DCC: variants seen among roughly 807,000 people sequenced by gnomAD.
The protein encoded by DCC is netrin receptor DCC.
A neutral mutation model predicts 172.5 loss-of-function variants in DCC; 58 were observed. The observed-to-expected ratio is 0.34, with a 90% CI of 0.27 to 0.42. The LOEUF is 0.42. DCC is among the 10% of genes least tolerant of loss of function. The probability of loss-of-function intolerance (pLI) is 1.00; values close to 1 mark genes in which losing one functional copy is unlikely to be tolerated. For synonymous variants in DCC, 709 were observed against 644.5 expected (o/e 1.10, Z -1.52); for missense variants, 1,740 against 1,791.0 (o/e 0.97, Z 0.51).
At chr18:53,152,327 GA>G (rs980740612) in intron 7 of DCC, among the ~76,000 whole-genome samples, 1 of 151,998 alleles carries the variant, frequency 6.6e-6, no homozygotes, top group African/African-American at 2.4e-5. Context: ...AATAAGCTTA[GA>G]AAAAAATTCA....
At chr18:53,392,359 A>T (rs929847362) in intron 17 of DCC, among the ~76,000 whole-genome samples, 1 of 152,118 alleles carries the variant, frequency 6.6e-6, no homozygotes, top group Non-Finnish European at 1.5e-5. Context: ...CAGCACTCTA[A>T]GCCATTAACA....
chr18:53,032,277 A>G (rs1054968616), intron 5 of DCC, among the ~76,000 whole-genome samples: 2 of 152,170 alleles, frequency 1.3e-5, no homozygotes, highest in African/African-American at 4.8e-5. Flanking sequence ...GAGGAAAAAG[A>G]AGAAAATATA....
intron 1 of DCC, among the ~76,000 whole-genome samples, chr18:52,713,081 C>T (rs887781541): frequency 1.3e-5 from 2 of 152,132 alleles, no homozygotes; most frequent in Non-Finnish European, 2.9e-5. Context: ...AGTGCCTAGC[C>T]GGGAAATTTC....
chr18:53,000,471 C>A (rs147180634), intron 5 of DCC, among the ~76,000 whole-genome samples: 56 of 151,650 alleles, frequency 3.7e-4, no homozygotes, highest in Non-Finnish European at 6.3e-4. Flanking sequence ...GTACAATTTT[C>A]TGAGGCCAAA....
chr18:53,178,340 G>A (rs2055140385), intron 8 of DCC, among the ~76,000 whole-genome samples: 1 of 152,110 alleles, frequency 6.6e-6, no homozygotes, highest in African/African-American at 2.4e-5. Flanking sequence ...TATTGATATT[G>A]AACACATAGA....
At chr18:52,610,557 C>T (rs1369360795) in intron 1 of DCC, among the ~76,000 whole-genome samples, 2 of 151,594 alleles carry the variant, frequency 1.3e-5, no homozygotes, top group Non-Finnish European at 2.9e-5. Flanking sequence ...AAACTCCTTT[C>T]CATAGAAAAA....
chr18:52,971,443 T>C (rs925459173), intron 5 of DCC, among the ~76,000 whole-genome samples: 2 of 152,098 alleles, frequency 1.3e-5, no homozygotes, highest in Admixed American at 1.3e-4. Context: ...GAAAGGAGTC[T>C]GAACATCTTT....
At chr18:53,435,250 A>G (rs1404522255) in intron 22 of DCC, 41 bp downstream of exon 22, 1 of 1,321,942 alleles carries the variant, frequency 7.6e-7, no homozygotes. Flanking sequence ...AGTTATATTA[A>G]TTAAATGGTT....
chr18:52,799,820 A>G (rs576929641), intron 2 of DCC, among the ~76,000 whole-genome samples: 2 of 152,324 alleles, frequency 1.3e-5, no homozygotes, highest in South Asian at 4.1e-4. Flanking sequence ...TAGCAATATA[A>G]TAATAATGCC....
At chr18:52,978,286 C>G (rs1186494600) in intron 5 of DCC, among the ~76,000 whole-genome samples, 1 of 151,448 alleles carries the variant, frequency 6.6e-6, no homozygotes, top group Non-Finnish European at 1.5e-5. Context: ...AGGAGAGAGG[C>G]AATGCTAGAG....
chr18:53,052,612 C>G (rs2042348392), intron 5 of DCC, among the ~76,000 whole-genome samples: 2 of 152,006 alleles, frequency 1.3e-5, no homozygotes. Flanking sequence ...GTTTTGTGTA[C>G]TTTTAAATAA....
At chr18:52,791,993 C>T (rs76150089) in intron 2 of DCC, among the ~76,000 whole-genome samples, 6,552 of 152,060 alleles carry the variant, frequency 0.043, 219 homozygotes, top group South Asian at 0.16. Context: ...TAGAGTTTTC[C>T]CATTTGCAGA....
rs117114563 is a variant in DCC, at chr18:52,592,682, G to A, written c.92-159372G>A. On this transcript the variant is annotated intron_variant, in intron 1 of 28. Transcript: ENST00000442544. ...GCTTTCTTGCTCTGTTGCCCAGGCT[G>A]GAGTGCAGTGGCACGATCTCAACTC... is the stretch of plus-strand genomic sequence containing the variant. 3.5e-3 allele frequency among the ~76,000 whole-genome samples: 538 copies of A among 152,300 alleles called. 8 individuals are homozygous for A. Among genetic ancestry groups the A allele is most frequent in the East Asian group, 0.033 (169 of 5,178 alleles).
At chr18:53,152,291 A>T (rs565416859) in intron 7 of DCC, among the ~76,000 whole-genome samples, 1 of 152,182 alleles carries the variant, frequency 6.6e-6, no homozygotes, top group East Asian at 1.9e-4. Flanking sequence ...CATATACATC[A>T]TAGGGAATGA....
intron 1 of DCC, among the ~76,000 whole-genome samples, chr18:52,646,398 G>C (rs1192903373): frequency 6.6e-6 from 1 of 152,120 alleles, no homozygotes; most frequent in Non-Finnish European, 1.5e-5. Flanking sequence ...GTGGACACCA[G>C]TTGGGCATCC....
At chr18:52,526,282 G>C (rs2031976707) in intron 1 of DCC, among the ~76,000 whole-genome samples, 1 of 152,168 alleles carries the variant, frequency 6.6e-6, no homozygotes, top group Non-Finnish European at 1.5e-5. Context: ...AGGAACTAAG[G>C]GGAGGAGACA....
chr18:53,291,647 G>A (rs753502007), intron 12 of DCC, among the ~76,000 whole-genome samples: 1 of 151,954 alleles, frequency 6.6e-6, no homozygotes, highest in South Asian at 2.1e-4. Flanking sequence ...TTCTATTCCA[G>A]CTTTCTTAGG....
At chr18:52,937,795 C>G (rs1235765089) in intron 5 of DCC, among the ~76,000 whole-genome samples, 1 of 151,936 alleles carries the variant, frequency 6.6e-6, no homozygotes, top group Non-Finnish European at 1.5e-5. Context: ...TGACTTTTGT[C>G]TTAAATTCTA....
At chr18:52,561,876 G>A (rs1186502432) in intron 1 of DCC, among the ~76,000 whole-genome samples, 2 of 152,110 alleles carry the variant, frequency 1.3e-5, no homozygotes, top group African/African-American at 4.8e-5. Context: ...TATTTCAGAA[G>A]CTATTTCTAA....
Sources: gnomAD v4.1 joint callset for allele counts (sites outside exome capture counted in the v4.1 genomes callset) on GRCh38, gnomAD v4.1.1 for gene constraint, MANE v1.5 for transcripts, NCBI Gene and HGNC (gene_info 2026-07-23, HGNC 2026-07-21) for gene names.